Variants in TPST1 observed in about 807,000 individuals in gnomAD.
The protein encoded by TPST1 is tyrosylprotein sulfotransferase 1.
In TPST1, 20 loss-of-function variants were observed where a neutral mutation model predicts 34.8. That is an observed-to-expected ratio of 0.57 (90% CI 0.40 to 0.84). The LOEUF (loss-of-function observed/expected upper bound fraction) is 0.84, where lower values mean the gene tolerates loss of function less well. Among genes scored for constraint, TPST1 ranks in the 40% least tolerant of loss-of-function variants. The probability of loss-of-function intolerance (pLI) is 0.00; values close to 1 mark genes in which losing one functional copy is unlikely to be tolerated. For missense variants in TPST1, 353 were observed against 455.5 expected, an observed-to-expected ratio of 0.78 and a Z score of 2.05; for synonymous variants, 152 against 159.4, an observed-to-expected ratio of 0.95 and a Z score of 0.35.
At chr7:66,338,350 C>T (rs753210059) in intron 3 of TPST1, among the ~76,000 whole-genome samples, 2 of 151,918 alleles carry the variant, frequency 1.3e-5, no homozygotes, top group Non-Finnish European at 2.9e-5. Flanking sequence ...TATTAATAGA[C>T]CTAAAGAGAG....
chr7:66,345,889 C>T (rs1392235641), intron 3 of TPST1, among the ~76,000 whole-genome samples: 2 of 151,950 alleles, frequency 1.3e-5, no homozygotes, highest in South Asian at 2.1e-4. Context: ...CTGTAGTCGC[C>T]GTGTTGTGCT....
At chr7:66,260,190 T>C (rs990194110) in intron 2 of TPST1, among the ~76,000 whole-genome samples, 2 of 152,232 alleles carry the variant, frequency 1.3e-5, no homozygotes, top group African/African-American at 4.8e-5. Context: ...TTTTGAAATA[T>C]TTGCATATAC....
chr7:66,316,197 T>A (rs1791630056), intron 3 of TPST1, among the ~76,000 whole-genome samples: 2 of 152,338 alleles, frequency 1.3e-5, no homozygotes, highest in South Asian at 4.1e-4. Context: ...TTAAAATTAT[T>A]TGTGTTCATA....
chr7:66,240,421 T>C lies in TPST1; in HGVS notation c.-5T>C. 6.2e-7 allele frequency: 1 copy of C among 1,612,472 alleles called. No homozygotes were observed. The highest frequency in any genetic ancestry group is 8.5e-7 in the Non-Finnish European group (1 of 1,179,002). ...TCTGTTTAATAACAAGATAACCACA[T>C]CAAGATGGTTGGAAAGCTGAAGCAG... On this transcript the variant is annotated 5_prime_UTR_variant, in exon 2 of 6. Coordinates refer to ENST00000304842, the MANE Select transcript of TPST1 (RefSeq NM_003596.4).
intron 2 of TPST1, among the ~76,000 whole-genome samples, chr7:66,280,604 T>C (rs1325800083): frequency 6.6e-6 from 1 of 152,182 alleles, no homozygotes; most frequent in African/African-American, 2.4e-5. Context: ...TGGATGCCTT[T>C]ATTTTTCTTA....
chr7:66,309,688 T>C (rs948618751), intron 3 of TPST1, among the ~76,000 whole-genome samples: 5 of 152,204 alleles, frequency 3.3e-5, no homozygotes, highest in Admixed American at 6.5e-5. Context: ...GCTGACTGCT[T>C]GTTCCTTTTT....
intron 1 of TPST1, among the ~76,000 whole-genome samples, chr7:66,217,367 CTGT>C (rs1348314758): frequency 6.6e-6 from 1 of 152,008 alleles, no homozygotes; most frequent in African/African-American, 2.4e-5. Flanking sequence ...TTTTAGGGCT[CTGT>C]TGTTATTTGC....
At chr7:66,305,395 G>A (rs992400166) in intron 3 of TPST1, among the ~76,000 whole-genome samples, 1 of 152,088 alleles carries the variant, frequency 6.6e-6, no homozygotes, top group African/African-American at 2.4e-5. Flanking sequence ...ATTCTGGGGT[G>A]TATGTACCAA....
chr7:66,235,171 A>G (rs571253763), intron 1 of TPST1, among the ~76,000 whole-genome samples: 8 of 148,938 alleles, frequency 5.4e-5, no homozygotes, highest in South Asian at 2.1e-4. Context: ...AATGGATGCA[A>G]TGTTCTGCAT....
chr7:66,277,648 T>C (rs79043055), intron 2 of TPST1, among the ~76,000 whole-genome samples: 2,931 of 152,210 alleles, frequency 0.019, 62 homozygotes, highest in East Asian at 0.092. Context: ...AGGAAATCTA[T>C]TCAAATAGGA....
chr7:66,253,569 C>T (rs1790314998), intron 2 of TPST1, among the ~76,000 whole-genome samples: 1 of 151,346 alleles, frequency 6.6e-6, no homozygotes, highest in African/African-American at 2.4e-5. Flanking sequence ...GACGGGATTT[C>T]ACCGTGTTAA....
rs546782544 is a variant in TPST1 at position 66,215,896 on chromosome 7, C to T, written c.-102+10374C>T. 3.6e-4 allele frequency among the ~76,000 whole-genome samples: 55 copies of T among 151,578 alleles called. 1 individual carries two copies. The South Asian group carries it at 0.011, about 31-fold the overall frequency. On this transcript the variant is annotated intron_variant, in intron 1 of 5. Transcript: ENST00000304842. ...CACGCCATTCTCCTGCCTCGGCCTC[C>T]CAAGTAGCTGGGACTACAGGCGCCC...
At chr7:66,275,691 G>A (rs1322817958) in intron 2 of TPST1, among the ~76,000 whole-genome samples, 1 of 152,198 alleles carries the variant, frequency 6.6e-6, no homozygotes, top group Non-Finnish European at 1.5e-5. Context: ...AGAAGCAAGA[G>A]TAGAATGGTG....
At chr7:66,348,171 A>G (rs1792394227) in intron 3 of TPST1, among the ~76,000 whole-genome samples, 1 of 152,022 alleles carries the variant, frequency 6.6e-6, no homozygotes, top group Non-Finnish European at 1.5e-5. Flanking sequence ...AAAAATTGTA[A>G]TCCTCCCCTT....
intron 2 of TPST1, among the ~76,000 whole-genome samples, chr7:66,251,410 A>T (rs527971375): frequency 6.6e-6 from 1 of 152,278 alleles, no homozygotes; most frequent in African/African-American, 2.4e-5. Context: ...TCGAACGCTT[A>T]TGCACTGTTC....
At chr7:66,233,518 C>A (rs960041528) in intron 1 of TPST1, among the ~76,000 whole-genome samples, 2 of 152,146 alleles carry the variant, frequency 1.3e-5, no homozygotes, top group Non-Finnish European at 1.5e-5. Flanking sequence ...CCATAAACAT[C>A]GTATTTCCAG....
intron 3 of TPST1, among the ~76,000 whole-genome samples, chr7:66,315,051 G>A (rs954925133): frequency 2.6e-5 from 4 of 152,112 alleles, no homozygotes; most frequent in Admixed American, 1.3e-4. Context: ...CCATTTCATG[G>A]TATTCTAATG....
chr7:66,311,025 C>T (rs1791520688), intron 3 of TPST1, among the ~76,000 whole-genome samples: 1 of 152,016 alleles, frequency 6.6e-6, no homozygotes. Flanking sequence ...AAATTCTTAT[C>T]TCATTCTTTC....
rs138862941 is a variant in TPST1, at chr7:66,276,365, C to CATATATATATATATATATAT, written c.846-10130_846-10129insATATATATATATATATATAT. 5.0e-3 allele frequency among the ~76,000 whole-genome samples: 450 copies of CATATATATATATATATATAT among 90,814 alleles called. 41 individuals are homozygous for CATATATATATATATATATAT. The highest frequency in any genetic ancestry group is 0.011 in the African/African-American group (178 of 16,786). 59.6% of individuals were successfully genotyped at this position (90,814 alleles called of 152,430 possible). A position where few individuals can be genotyped will look rare whatever the true frequency, so the allele number is the denominator to read the frequency against. On this transcript the variant is annotated intron_variant, in intron 2 of 5. Transcript: ENST00000304842. ...TTCTTCTTAAATTTTAAAAACATTT[C>CATATATATATATATATATAT]ATATATATATATATATGTATTTTTT... is the stretch of plus-strand genomic sequence containing the variant.
Sources: allele counts gnomAD v4.1 joint callset (sites outside exome capture counted in the v4.1 genomes callset), GRCh38; gene constraint gnomAD v4.1.1; transcripts MANE v1.5; gene names NCBI Gene and HGNC (gene_info 2026-07-23, HGNC 2026-07-21).